PGRMC1: variants seen among roughly 807,000 people sequenced by gnomAD.
The protein encoded by PGRMC1 is progesterone receptor membrane component 1, also known as membrane-associated progesterone receptor component 1.
For missense variants in PGRMC1, 145 were observed against 169.0 expected (o/e 0.86, Z 0.79); for synonymous variants, 73 against 77.3 (o/e 0.94, Z 0.29).
intron 1 of PGRMC1, among the ~76,000 whole-genome samples, chrX:119,237,205 G>C (rs948187367): frequency 4.5e-5 from 5 of 111,187 alleles, no homozygotes; most frequent in African/African-American, 1.6e-4. Flanking sequence ...ATGACACCGG[G>C]AGTAGGTTTG....
chrX:119,238,057 G>A (rs1023052645), intron 1 of PGRMC1, among the ~76,000 whole-genome samples: 2 of 111,286 alleles, frequency 1.8e-5, no homozygotes, highest in African/African-American at 6.5e-5. Context: ...CCACATGGAC[G>A]GTGCTCATTC....
At chrX:119,239,010 A>G (rs781247937) in intron 1 of PGRMC1, among the ~76,000 whole-genome samples, 2 of 112,308 alleles carry the variant, frequency 1.8e-5, no homozygotes, top group African/African-American at 3.2e-5. Context: ...TTAATTGTTT[A>G]AATGTTTAAA....
Position 119,242,456 on chromosome X carries a change from C to T in PGRMC1, c.485-695C>T, listed in dbSNP as rs534983427. 7.4e-4 allele frequency among the ~76,000 whole-genome samples: 83 copies of T among 111,461 alleles called. No individual in the cohort carries two copies. The Middle Eastern group carries it at 0.014, about 18-fold the overall frequency. On this transcript the variant is annotated intron_variant, in intron 2 of 2. Coordinates refer to ENST00000217971, the MANE Select transcript of PGRMC1 (RefSeq NM_006667.5). ...GTTCCTTTGCATCTGGATCTGCACT[C>T]TGCCTCTGGATCGCCCTGTTCCCAG...
intron 1 of PGRMC1, among the ~76,000 whole-genome samples, chrX:119,237,074 A>T (rs1443185204): frequency 9.1e-6 from 1 of 110,179 alleles, no homozygotes; most frequent in Non-Finnish European, 1.9e-5. Context: ...GGGCTTGGGG[A>T]TTCCTGGAAG....
intron 1 of PGRMC1, among the ~76,000 whole-genome samples, chrX:119,239,707 T>G (rs1392922001): frequency 8.9e-6 from 1 of 111,975 alleles, no homozygotes; most frequent in African/African-American, 3.3e-5. Context: ...CTCTGTGTTA[T>G]CTATTTATTG....
chrX:119,242,628 C>G (rs1930844559), intron 2 of PGRMC1, among the ~76,000 whole-genome samples: 1 of 111,484 alleles, frequency 9.0e-6, no homozygotes, highest in South Asian at 3.8e-4. Flanking sequence ...TCAGATCTTT[C>G]ATAATATTTC....
At chrX:119,242,761 G>GTTTT (rs766485642) in intron 2 of PGRMC1, among the ~76,000 whole-genome samples, 6 of 111,715 alleles carry the variant, frequency 5.4e-5, no homozygotes, top group Non-Finnish European at 1.1e-4. Context: ...TGTACATGGC[G>GTTTT]TTTGCATTTT....
rs1332655531 is a variant in PGRMC1, at chrX:119,244,116, AC to A, written c.*863del. The A allele has an allele frequency of 8.9e-6, 1 of 112,238 alleles. No homozygotes were observed. Among genetic ancestry groups the A allele is most frequent in the African/African-American group, 3.2e-5 (1 of 30,885 alleles). 9.2% of individuals were successfully genotyped at this position (112,238 alleles called of 1,213,427 possible). A position where few individuals can be genotyped will look rare whatever the true frequency, so the allele number is the denominator to read the frequency against. ...TTTGCTCTCCTAAGAGCCTTCATGC[AC>A]ACCCCTGAACCACGAGGAAACAGTA... On this transcript the variant is annotated 3_prime_UTR_variant, in exon 3 of 3. Transcript: ENST00000217971.
chrX:119,242,761 G>A (rs765394760), intron 2 of PGRMC1, among the ~76,000 whole-genome samples: 4 of 111,760 alleles, frequency 3.6e-5, no homozygotes, highest in Non-Finnish European at 5.6e-5. Context: ...TGTACATGGC[G>A]TTTGCATTTT....
rs1234246441 is a variant in PGRMC1, at chrX:119,237,553, C to G, written c.328+862C>G. The stretch of plus-strand genomic sequence containing the variant: ...TGGTGGACAATGGTAACGTGGCAAG[C>G]TTTTAAGGTAATATGGTATTTAGTC... On this transcript the variant is annotated intron_variant, in intron 1 of 2. Transcript: ENST00000217971. 3.6e-5 allele frequency among the ~76,000 whole-genome samples: 4 copies of G among 110,385 alleles called. No individual in the cohort carries two copies. The East Asian group carries it at 8.5e-4, about 23-fold the overall frequency.
chrX:119,237,226 G>T (rs1178043169), intron 1 of PGRMC1, among the ~76,000 whole-genome samples: 2 of 111,146 alleles, frequency 1.8e-5, no homozygotes, highest in East Asian at 5.7e-4. Context: ...AAATATGAGG[G>T]TGTGGGAGAA....
chrX:119,237,038 C>G (rs944038041), intron 1 of PGRMC1, among the ~76,000 whole-genome samples: 6 of 110,905 alleles, frequency 5.4e-5, no homozygotes, highest in African/African-American at 2.0e-4. Flanking sequence ...AAAGCCCAGG[C>G]TGTTGGGGTA....
Position 119,236,368 on chromosome X carries a change from C to T in PGRMC1, c.5C>T (p.Ala2Val). 1 of 1,209,332 alleles carries T rather than the reference C, an allele frequency of 8.3e-7. No homozygotes were observed. The highest frequency in any genetic ancestry group is 1.1e-6 in the Non-Finnish European group (1 of 893,667). M[A>V]AEDVVATGAD... Reference sequence around the variant, plus strand: ...CCAACCTTTACTCCAGAGATCATGGCTGCCGAGGATGTGGTGGCGACTGGC... The same window carrying T: ...CCAACCTTTACTCCAGAGATCATGGTTGCCGAGGATGTGGTGGCGACTGGC... Residue 2 changes from alanine to valine, a missense_variant, in exon 1 of 3, where the codon GCT becomes GTT. By Grantham distance (64) the Ala-to-Val change is moderately conservative. Transcript: ENST00000217971.
At chrX:119,242,507 TAC>T (rs2147231378) in intron 2 of PGRMC1, among the ~76,000 whole-genome samples, 1 of 111,461 alleles carries the variant, frequency 9.0e-6, no homozygotes, top group South Asian at 3.8e-4. Flanking sequence ...ATCTGCCCTA[TAC>T]ACCACATTGA....
At chrX:119,238,654 A>C (rs931749363) in intron 1 of PGRMC1, among the ~76,000 whole-genome samples, 7 of 111,949 alleles carry the variant, frequency 6.3e-5, no homozygotes, top group East Asian at 2.8e-4. Context: ...TAGCTGTGTG[A>C]CCTTGTGCAA....
intron 1 of PGRMC1, among the ~76,000 whole-genome samples, chrX:119,237,522 T>C (rs1235085560): frequency 1.8e-5 from 2 of 110,566 alleles, no homozygotes; most frequent in African/African-American, 6.6e-5. Flanking sequence ...GAATAAAGGC[T>C]GAATATGGTG....
rs771935974 is a variant in PGRMC1 at position 119,240,384 on chromosome X, T to C, written c.404T>C (p.Leu135Pro). 3 of 1,208,466 alleles carry C rather than the reference T, an allele frequency of 2.5e-6. No homozygotes were observed. The East Asian group carries it at 8.9e-5, about 36-fold the overall frequency. Residue 135 changes from leucine to proline, a missense_variant, in exon 2 of 3, where the codon CTG (leucine) becomes CCG (proline). Leu to Pro is a moderately conservative substitution (Grantham distance 98). Coordinates refer to ENST00000217971, the MANE Select transcript of PGRMC1 (RefSeq NM_006667.5). ...ACATTTTGCCTGGATAAGGAAGCAC[T>C]GAAGGATGAGTACGATGACCTTTCT... is the stretch of plus-strand genomic sequence containing the variant. ...LATFCLDKEA[L>P]KDEYDDLSDL...
chrX:119,240,687 T>A (rs752917541), intron 2 of PGRMC1, among the ~76,000 whole-genome samples: 103 of 111,791 alleles, frequency 9.2e-4, no homozygotes, highest in African/African-American at 3.2e-3. Flanking sequence ...AAACTTGGGT[T>A]TCTGGTTTTG....
intron 1 of PGRMC1, among the ~76,000 whole-genome samples, chrX:119,240,078 C>A (rs914434793): frequency 1.8e-5 from 2 of 111,858 alleles, no homozygotes; most frequent in Non-Finnish European, 3.8e-5. Context: ...GAGACTGACG[C>A]AAATGTATAG....
Sources: gnomAD v4.1 joint callset for allele counts (sites outside exome capture counted in the v4.1 genomes callset) on GRCh38, gnomAD v4.1.1 for gene constraint, MANE v1.5 for transcripts, NCBI Gene and HGNC (gene_info 2026-07-23, HGNC 2026-07-21) for gene names.